The following ABCG1 variants were observed in gnomAD, a reference collection of about 807,000 sequenced individuals.
ABCG1 encodes ATP binding cassette subfamily G member 1, also known as ATP-binding cassette sub-family G member 1.
ABCG1 carries 29 observed loss-of-function variants against 69.2 expected under a neutral mutation model. That is an observed-to-expected ratio of 0.42 (90% CI 0.31 to 0.57). The LOEUF (loss-of-function observed/expected upper bound fraction) is 0.57. Ranked by LOEUF, ABCG1 falls within the 20% of genes least tolerant of loss-of-function variation. The probability of loss-of-function intolerance (pLI) is 0.15; values close to 1 mark genes in which losing one functional copy is unlikely to be tolerated. For missense variants in ABCG1, 718 were observed against 898.1 expected, an observed-to-expected ratio of 0.80 and a Z score of 2.56; for synonymous variants, 370 against 374.8, an observed-to-expected ratio of 0.99 and a Z score of 0.15.
chr21:42,225,806 C>T lies in ABCG1; in HGVS notation c.178C>T (p.Leu60Phe). 6.2e-7 allele frequency: 1 copy of T among 1,614,000 alleles called. No individual in the cohort carries two copies. Among genetic ancestry groups the T allele is most frequent in the Non-Finnish European group, 8.5e-7 (1 of 1,179,992 alleles). ...NGHLKKVDNNLTEAQRFSSLP... is the reference protein window; with the variant it reads ...NGHLKKVDNNFTEAQRFSSLP... ...ACATCTGAAAAAAGTAGATAATAACCTCACGGAAGCCCAGCGCTTCTCCTC... is the reference window on the plus strand; with the variant it reads ...ACATCTGAAAAAAGTAGATAATAACTTCACGGAAGCCCAGCGCTTCTCCTC... The change falls in exon 2 of 15, where the codon CTC (leucine) becomes TTC (phenylalanine). Residue 60 changes from leucine (L) to phenylalanine (F), a missense_variant. This residue lies in a region of ABCG1 where 514 missense variants were observed against 574.3 expected (regional missense o/e 0.90). Transcript: ENST00000398449.
In ABCG1 at chr21:42,284,564, C is replaced by G; in HGVS notation, c.739C>G (p.Leu247Val). Reference sequence around the variant, plus strand: ...ACGGTGCCTCTTGACTTGCAGCGGCCTGGACAGCGCCTCCTGCTTCCAGGT... The same window carrying G: ...ACGGTGCCTCTTGACTTGCAGCGGCGTGGACAGCGCCTCCTGCTTCCAGGT... ...VMFFDEPTSG[L>V]DSASCFQVVS... is the part of the protein sequence containing the mutation. Residue 247 changes from leucine (L) to valine (V), a missense_variant, in exon 7 of 15, where the codon CTG becomes GTG. Leu to Val is a conservative substitution (Grantham distance 32). Transcript: ENST00000398449. 1 of 1,613,234 alleles carries G rather than the reference C, an allele frequency of 6.2e-7. No homozygotes were observed. The highest frequency in any genetic ancestry group is 8.5e-7 in the Non-Finnish European group (1 of 1,179,996).
Position 42,291,656 on chromosome 21 carries a change from G to A in ABCG1, c.1653G>A (p.Gln551=), listed in dbSNP as rs2069064032. The change falls in exon 13 of 15, where the codon CAG becomes CAA. Residue 551 remains glutamine, a splice_region_variant and synonymous_variant. Transcript: ENST00000398449. This position sits in a 1 kb window ranked among gnomAD's most constrained non-coding sequence, Gnocchi z 6.4. ...LLIGAASTSL[Q]VATFVGPVTA... is the part of the protein sequence containing the mutation. ...TCGGAGCCGCCTCCACGTCCCTGCA[G>A]GTGCCAGCCCAGGAGGCGCTAAGTG... 1 of 1,599,728 alleles carries A rather than the reference G, an allele frequency of 6.3e-7. No homozygotes were observed. Among genetic ancestry groups the A allele is most frequent in the Non-Finnish European group, 8.5e-7 (1 of 1,178,104 alleles).
intron 1 of ABCG1, among the ~76,000 whole-genome samples, chr21:42,200,107 G>T (rs888692570): frequency 2.0e-5 from 3 of 152,186 alleles, no homozygotes; most frequent in African/African-American, 7.2e-5. Flanking sequence ...GGAGAGAAAG[G>T]GGGACCCTGA....
chr21:42,221,147 T>A (rs1245877261), intron 1 of ABCG1: 4 of 152,122 alleles, frequency 2.6e-5, no homozygotes, highest in Non-Finnish European at 5.9e-5. Context: ...CTGGGTACTT[T>A]AAAAAAAGTT....
intron 2 of ABCG1, chr21:42,260,274 G>A: frequency 6.8e-7 from 1 of 1,478,550 alleles, no homozygotes; most frequent in South Asian, 1.4e-5. Context: ...CCACCACGGA[G>A]CCGAATGGTG....
chr21:42,279,758 G>A (rs537748791), intron 5 of ABCG1, among the ~76,000 whole-genome samples: 3 of 152,344 alleles, frequency 2.0e-5, no homozygotes, highest in Admixed American at 1.3e-4. Context: ...AGCAGGCTCC[G>A]TGCTGAAGTC....
At chr21:42,251,064 T>G (rs2068213107) in intron 2 of ABCG1, among the ~76,000 whole-genome samples, 1 of 152,046 alleles carries the variant, frequency 6.6e-6, no homozygotes, top group Admixed American at 6.5e-5. Context: ...TGTGAGGAGC[T>G]AGGGCTGTCA....
In ABCG1 at chr21:42,255,285, G is replaced by C. The variant is rs1308720098; in HGVS notation, c.287-15785G>C. ...TGTGCACACAGGATGTATGTACATG[G>C]TGTGTCTGTGCCTACATATGATAGT... On this transcript the variant is annotated intron_variant, in intron 2 of 14. Coordinates refer to ENST00000398449, the MANE Select transcript of ABCG1 (RefSeq NM_016818.3). Among the ~76,000 whole-genome samples, 4 of 152,152 alleles carry C rather than the reference G, an allele frequency of 2.6e-5. No homozygotes were observed. The East Asian group carries it at 7.7e-4, about 29-fold the overall frequency.
intron 2 of ABCG1, among the ~76,000 whole-genome samples, chr21:42,258,428 C>T: frequency 6.9e-6 from 1 of 144,754 alleles, no homozygotes; most frequent in African/African-American, 2.5e-5. Context: ...TCCCCCCCAT[C>T]CCTCCCTCCA....
intron 2 of ABCG1, among the ~76,000 whole-genome samples, chr21:42,204,766 G>C (rs1236290554): frequency 2.6e-5 from 4 of 152,096 alleles, no homozygotes; most frequent in African/African-American, 9.7e-5. Context: ...TGTGTACTAA[G>C]GCCTCGAACT....
At chr21:42,260,040 C>T in intron 2 of ABCG1, 1 of 1,549,912 alleles carries the variant, frequency 6.5e-7, no homozygotes, top group Non-Finnish European at 8.7e-7. Flanking sequence ...AGGGCCCCAT[C>T]ACCTGGGGGT....
intron 4 of ABCG1, among the ~76,000 whole-genome samples, chr21:42,274,784 T>A (rs978580435): frequency 4.6e-5 from 7 of 152,162 alleles, no homozygotes; most frequent in South Asian, 2.1e-4. Flanking sequence ...GGGCCATTTT[T>A]TTTTTTAAAG....
intron 2 of ABCG1, among the ~76,000 whole-genome samples, chr21:42,254,517 C>T (rs2068271715): frequency 6.6e-6 from 1 of 152,178 alleles, no homozygotes; most frequent in Non-Finnish European, 1.5e-5. Flanking sequence ...GTTATTAAGC[C>T]CAACTTCCCA....
rs932982522 is a variant in ABCG1 at position 42,296,091 on chromosome 21, C to T, written c.1773-73C>T. The T allele has an allele frequency of 3.8e-6, 5 of 1,327,078 alleles. No homozygotes were observed. The African/African-American group carries it at 4.3e-5, about 12-fold the overall frequency. The allele number at this position is 1,327,078 out of a possible 1,614,324, so 82.2% of individuals were successfully genotyped here. The stretch of plus-strand genomic sequence containing the variant: ...AGCTGGGAATCGCAGGGAGGGTGAA[C>T]GACATTGACCTTCAGCCAACGGCGT... On this transcript the variant is annotated intron_variant, in intron 14 of 14. Transcript: ENST00000398449. This position sits in a 1 kb window ranked among gnomAD's most constrained non-coding sequence, Gnocchi z 5.4.
chr21:42,209,792 C>T (rs1359979604), intron 2 of ABCG1, among the ~76,000 whole-genome samples: 1 of 152,238 alleles, frequency 6.6e-6, no homozygotes, highest in Non-Finnish European at 1.5e-5. Flanking sequence ...ATGCTGACAC[C>T]TCTCATCCTT....
At chr21:42,266,319 A>C (rs1320361758) in intron 2 of ABCG1, among the ~76,000 whole-genome samples, 2 of 151,936 alleles carry the variant, frequency 1.3e-5, no homozygotes, top group Non-Finnish European at 2.9e-5. Flanking sequence ...TAAATAAAAT[A>C]AAATAAAATA....
intron 2 of ABCG1, among the ~76,000 whole-genome samples, chr21:42,244,417 C>T (rs1223664931): frequency 6.6e-6 from 1 of 152,198 alleles, no homozygotes; most frequent in Non-Finnish European, 1.5e-5. Context: ...TGTGCCAGCT[C>T]TCAGGACCAG....
At chr21:42,241,820 T>TAA (rs35522463) in intron 2 of ABCG1, among the ~76,000 whole-genome samples, 2 of 141,052 alleles carry the variant, frequency 1.4e-5, no homozygotes, top group Non-Finnish European at 3.1e-5. Context: ...CTATCTCTAT[T>TAA]AAAAAAAAAA....
Position 42,291,575 on chromosome 21 carries a change from G to A in ABCG1, c.1572G>A (p.Leu524=). The change falls in exon 13 of 15, where the codon CTG becomes CTA. Residue 524 remains leucine (L), a synonymous_variant. Transcript: ENST00000398449. This position sits in a 1 kb window ranked among gnomAD's most constrained non-coding sequence, Gnocchi z 6.4. Reference sequence around the variant, plus strand: ...CGTCCGACGCCGTGCGCTTTGTGCTGTTTGCCGCGCTGGGCACCATGACCT... The same window carrying A: ...CGTCCGACGCCGTGCGCTTTGTGCTATTTGCCGCGCTGGGCACCATGACCT... ...SQPSDAVRFV[L]FAALGTMTSL... 6.2e-7 allele frequency: 1 copy of A among 1,613,038 alleles called. No individual in the cohort carries two copies. The highest frequency in any genetic ancestry group is 1.1e-5 in the South Asian group (1 of 91,082).
Sources: gnomAD v4.1 joint callset for allele counts (sites outside exome capture counted in the v4.1 genomes callset) on GRCh38, gnomAD v4.1.1 for gene constraint, gnomAD v4.1.1 regional missense constraint, Gnocchi (gnomAD v3.1) non-coding constraint, MANE v1.5 for transcripts, NCBI Gene and HGNC (gene_info 2026-07-23, HGNC 2026-07-21) for gene names.